Variants in PREX2 observed in about 807,000 individuals in gnomAD.
The protein encoded by PREX2 is phosphatidylinositol-3,4,5-trisphosphate dependent Rac exchange factor 2, also known as phosphatidylinositol 3,4,5-trisphosphate-dependent Rac exchanger 2 protein.
Under a neutral mutation model 203.2 loss-of-function variants are expected in PREX2, and 107 were observed. That is an observed-to-expected ratio of 0.53 (90% CI 0.45 to 0.62). The LOEUF (loss-of-function observed/expected upper bound fraction) is 0.62. PREX2 is among the 20% of genes least tolerant of loss of function. The probability of loss-of-function intolerance (pLI) is 0.00; values close to 1 mark genes in which losing one functional copy is unlikely to be tolerated. For synonymous variants in PREX2, 672 were observed against 663.6 expected (o/e 1.01, Z -0.19); for missense variants, 1,777 against 1,955.9 (o/e 0.91, Z 1.72).
chr8:68,091,351 G>T (rs1412052234), intron 20 of PREX2, among the ~76,000 whole-genome samples: 1 of 152,176 alleles, frequency 6.6e-6, no homozygotes, highest in African/African-American at 2.4e-5. Context: ...CATAAGCAAA[G>T]CTATTATGAA....
intron 1 of PREX2, among the ~76,000 whole-genome samples, chr8:67,961,767 C>T (rs1805639502): frequency 6.6e-6 from 1 of 152,164 alleles, no homozygotes; most frequent in African/African-American, 2.4e-5. Flanking sequence ...TCGGTGATTT[C>T]AGACTTTGAT....
intron 35 of PREX2, among the ~76,000 whole-genome samples, chr8:68,160,126 C>G (rs1198819276): frequency 6.6e-6 from 1 of 152,112 alleles, no homozygotes; most frequent in Non-Finnish European, 1.5e-5. Context: ...ATGAACATAT[C>G]AGCTCTTCAG....
intron 6 of PREX2, among the ~76,000 whole-genome samples, chr8:68,032,799 G>A (rs748730453): frequency 1.3e-4 from 20 of 152,146 alleles, no homozygotes; most frequent in Non-Finnish European, 2.5e-4. Flanking sequence ...TTAGGACAGG[G>A]AGAAGTTCAG....
intron 1 of PREX2, among the ~76,000 whole-genome samples, chr8:67,997,808 C>T (rs947009096): frequency 6.6e-6 from 1 of 152,090 alleles, no homozygotes; most frequent in Admixed American, 6.6e-5. Flanking sequence ...AAAACATTTA[C>T]TTCTCCCAAG....
In PREX2 at chr8:68,146,190, C is replaced by T. The variant is rs1386135618; in HGVS notation, c.4088-19C>T. The T allele has an allele frequency of 2.9e-5, 45 of 1,572,542 alleles. No individual in the cohort carries two copies. Among genetic ancestry groups the T allele is most frequent in the Non-Finnish European group, 3.8e-5 (44 of 1,149,230 alleles). ...TATCCTTATTTTAGGAAGTAATATA[C>T]TATTAAATATCATTTTAGATGTTCC... On this transcript the variant is annotated intron_variant, in intron 33 of 39. Coordinates refer to ENST00000288368, the MANE Select transcript of PREX2 (RefSeq NM_024870.4).
At chr8:67,972,295 T>C (rs1262584488) in intron 1 of PREX2, among the ~76,000 whole-genome samples, 1 of 152,218 alleles carries the variant, frequency 6.6e-6, no homozygotes, top group Non-Finnish European at 1.5e-5. Flanking sequence ...GGAACAAAAG[T>C]GTAACTTTGA....
chr8:68,012,580 A>G (rs777563941), intron 1 of PREX2, among the ~76,000 whole-genome samples: 1 of 152,212 alleles, frequency 6.6e-6, no homozygotes, highest in Non-Finnish European at 1.5e-5. Flanking sequence ...GGATATTTTA[A>G]TGATTTGTAG....
At chr8:68,112,556 T>A (rs2129612891) in intron 25 of PREX2, among the ~76,000 whole-genome samples, 1 of 152,242 alleles carries the variant, frequency 6.6e-6, no homozygotes, top group Middle Eastern at 3.4e-3. Flanking sequence ...ATTTTGCTAC[T>A]AAATGTACAA....
chr8:68,216,577 T>C (rs932688150), intron 37 of PREX2, among the ~76,000 whole-genome samples: 1 of 152,068 alleles, frequency 6.6e-6, no homozygotes. Context: ...AAAAGAACAA[T>C]TCAGAGACCA....
At chr8:68,057,862 T>C (rs1289741418) in intron 10 of PREX2, among the ~76,000 whole-genome samples, 1 of 152,206 alleles carries the variant, frequency 6.6e-6, no homozygotes, top group East Asian at 1.9e-4. Flanking sequence ...ATAGCTATTA[T>C]AGAAAGTTAG....
intron 1 of PREX2, among the ~76,000 whole-genome samples, chr8:67,964,924 A>G (rs1418958962): frequency 6.6e-6 from 1 of 152,150 alleles, no homozygotes; most frequent in Non-Finnish European, 1.5e-5. Context: ...AGCTCTTCCA[A>G]GATGTTCTGC....
rs145430516 is a variant in PREX2, at chr8:68,004,377, C to T, written c.142-13469C>T. ...AGAAAAAGTAAGTTTGAATGGTGAC[C>T]TTCATTATTCTCTCTCTGCCTTTCT... is the stretch of plus-strand genomic sequence containing the variant. On this transcript the variant is annotated intron_variant, in intron 1 of 39. Coordinates refer to ENST00000288368, the MANE Select transcript of PREX2 (RefSeq NM_024870.4). Among the ~76,000 whole-genome samples the T allele has an allele frequency of 8.6e-4, 131 of 152,244 alleles. 1 individual carries two copies. Among genetic ancestry groups the T allele is most frequent in the Middle Eastern group, 6.8e-3 (2 of 294 alleles).
Position 68,072,507 on chromosome 8 carries a change from C to T in PREX2, c.1506C>T (p.Tyr502=). The change falls in exon 14 of 40, where the codon TAC becomes TAT. Residue 502 remains tyrosine, a synonymous_variant. Transcript: ENST00000288368. ...LFTPVIRDKD[Y]HLRTYKSVVM... ...TTTTCCTTTATAGAGATAAAGATTA[C>T]CATTTAAGGACCTACAAATCTGTGG... 1 of 1,579,456 alleles carries T rather than the reference C, an allele frequency of 6.3e-7. No homozygotes were observed. Among genetic ancestry groups the T allele is most frequent in the South Asian group, 1.1e-5 (1 of 89,734 alleles).
intron 8 of PREX2, among the ~76,000 whole-genome samples, chr8:68,045,368 A>G (rs1808321562): frequency 6.6e-6 from 1 of 152,156 alleles, no homozygotes; most frequent in Non-Finnish European, 1.5e-5. Flanking sequence ...GCTAAATTTT[A>G]GTGATATTCG....
intron 11 of PREX2, among the ~76,000 whole-genome samples, chr8:68,061,499 C>T (rs1431429778): frequency 6.6e-6 from 1 of 152,174 alleles, no homozygotes; most frequent in Non-Finnish European, 1.5e-5. Flanking sequence ...CTGCTGCACC[C>T]AGGAGTGGCG....
chr8:68,045,141 AGT>A (rs1808313160), intron 8 of PREX2, among the ~76,000 whole-genome samples: 1 of 152,066 alleles, frequency 6.6e-6, no homozygotes, highest in African/African-American at 2.4e-5. Flanking sequence ...TAGATTTGAA[AGT>A]GTGGGATTTA....
chr8:67,981,994 A>G lies in PREX2; in HGVS notation c.141+29459A>G, dbSNP rs183991066. 5.4e-4 allele frequency among the ~76,000 whole-genome samples: 82 copies of G among 152,304 alleles called. 1 individual carries two copies. The highest frequency in any genetic ancestry group is 6.8e-3 in the Middle Eastern group (2 of 294). On this transcript the variant is annotated intron_variant, in intron 1 of 39. Coordinates refer to ENST00000288368, the MANE Select transcript of PREX2 (RefSeq NM_024870.4). ...GGTTTAATCATCACAACAGACTTGGATAGTTGGATTGTTTTAATCCCCTGT... is the reference window on the plus strand; with the variant it reads ...GGTTTAATCATCACAACAGACTTGGGTAGTTGGATTGTTTTAATCCCCTGT...
rs375537675 is a variant in PREX2 at position 68,069,070 on chromosome 8, A to T, written c.1377A>T (p.Leu459Phe). Reference sequence around the variant, plus strand: ...ATCAATTCAAACCAGAACAGATGTTATATAGATTTCGCTATGATGATGGAA... The same window carrying T: ...ATCAATTCAAACCAGAACAGATGTTTTATAGATTTCGCTATGATGATGGAA... ...DKHQFKPEQM[L>F]YRFRYDDGTF... Residue 459 changes from leucine to phenylalanine, a missense_variant, in exon 12 of 40, where the codon TTA becomes TTT. Transcript: ENST00000288368. The T allele has an allele frequency of 6.4e-7, 1 of 1,563,438 alleles. No homozygotes were observed. The highest frequency in any genetic ancestry group is 8.7e-7 in the Non-Finnish European group (1 of 1,155,290).
intron 1 of PREX2, among the ~76,000 whole-genome samples, chr8:68,002,043 C>T (rs903352506): frequency 6.6e-6 from 1 of 151,104 alleles, no homozygotes; most frequent in Non-Finnish European, 1.5e-5. Flanking sequence ...ACAAGTTTCC[C>T]TATGTAACAA....
Sources: allele counts gnomAD v4.1 joint callset (sites outside exome capture counted in the v4.1 genomes callset), GRCh38; gene constraint gnomAD v4.1.1; transcripts MANE v1.5; gene names NCBI Gene and HGNC (gene_info 2026-07-23, HGNC 2026-07-21).